Variants in GMDS observed in about 807,000 individuals in gnomAD.
GMDS encodes GDP-mannose 4,6 dehydratase.
GMDS carries 20 observed loss-of-function variants against 49.9 expected under a neutral mutation model. The ratio of observed to expected loss-of-function variants is 0.40; its 90% confidence interval spans 0.28 to 0.58. The LOEUF (loss-of-function observed/expected upper bound fraction) is 0.58, where lower values mean the gene tolerates loss of function less well. GMDS is among the 20% of genes least tolerant of loss of function. The probability of loss-of-function intolerance (pLI) is 0.42; values close to 1 mark genes in which losing one functional copy is unlikely to be tolerated. For missense variants in GMDS, 362 were observed against 481.4 expected (o/e 0.75, Z 2.32); for synonymous variants, 177 against 178.6 (o/e 0.99, Z 0.07).
chr6:1,713,083 A>C (rs1316097241), intron 9 of GMDS, among the ~76,000 whole-genome samples: 1 of 152,248 alleles, frequency 6.6e-6, no homozygotes, highest in Non-Finnish European at 1.5e-5. Context: ...CACGGATGTC[A>C]GACTGACAAG....
At chr6:1,624,398 G>A (rs1338115788) in intron 10 of GMDS, 74 bp downstream of exon 10, 1 of 1,410,886 alleles carries the variant, frequency 7.1e-7, no homozygotes, top group Non-Finnish European at 9.9e-7. Flanking sequence ...CGCCTCAGGC[G>A]CCCGACCCTG....
intron 4 of GMDS, among the ~76,000 whole-genome samples, chr6:2,114,034 T>G (rs1247147200): frequency 6.6e-6 from 1 of 152,164 alleles, no homozygotes; most frequent in Non-Finnish European, 1.5e-5. Flanking sequence ...CAAAACACTA[T>G]CATGATCACT....
At chr6:1,745,642 C>CTG (rs1767463577) in intron 7 of GMDS, among the ~76,000 whole-genome samples, 1 of 152,236 alleles carries the variant, frequency 6.6e-6, no homozygotes, top group Non-Finnish European at 1.5e-5. Context: ...ATCAGACTAT[C>CTG]TGTGGCCTTT....
At chr6:1,899,296 T>G (rs779838117) in intron 7 of GMDS, among the ~76,000 whole-genome samples, 5 of 138,108 alleles carry the variant, frequency 3.6e-5, no homozygotes, top group Admixed American at 7.1e-5. Flanking sequence ...TGATTTGTGT[T>G]TTTTTTTTTT....
At chr6:1,784,791 C>T (rs1379762303) in intron 7 of GMDS, among the ~76,000 whole-genome samples, 1 of 152,226 alleles carries the variant, frequency 6.6e-6, no homozygotes, top group Non-Finnish European at 1.5e-5. Context: ...AGCAAGCTTC[C>T]TTCCTTTGCT....
At chr6:1,797,189 G>A (rs553970452) in intron 7 of GMDS, among the ~76,000 whole-genome samples, 2 of 152,280 alleles carry the variant, frequency 1.3e-5, no homozygotes, top group South Asian at 4.1e-4. Flanking sequence ...CTGCACGTGC[G>A]AGGGATCCAG....
intron 7 of GMDS, among the ~76,000 whole-genome samples, chr6:1,786,475 G>A (rs1769325055): frequency 3.3e-5 from 5 of 152,262 alleles, no homozygotes; most frequent in Admixed American, 3.3e-4. Context: ...CACAGCCTGA[G>A]CAAGCATAGC....
chr6:1,807,231 G>A (rs932669413), intron 7 of GMDS, among the ~76,000 whole-genome samples: 6 of 152,054 alleles, frequency 3.9e-5, no homozygotes, highest in Non-Finnish European at 7.4e-5. Context: ...TTGTAAAGAC[G>A]AGGTCTTGCT....
Position 2,199,977 on chromosome 6 carries a change from T to C in GMDS, c.102+45344A>G, listed in dbSNP as rs568654974. Among the ~76,000 whole-genome samples, 321 of 152,318 alleles carry C rather than the reference T, an allele frequency of 2.1e-3. 2 individuals are homozygous for C. Among genetic ancestry groups the C allele is most frequent in the African/African-American group, 7.4e-3 (309 of 41,582 alleles). ...AAATGCTATTCCATACCATAGCAAA[T>C]TAGAAACATTACAGGATTGTATGTT... On this transcript the variant is annotated intron_variant, in intron 1 of 10. Transcript: ENST00000380815.
intron 4 of GMDS, among the ~76,000 whole-genome samples, chr6:2,073,167 C>A (rs1203069067): frequency 6.6e-6 from 1 of 152,184 alleles, no homozygotes; most frequent in African/African-American, 2.4e-5. Context: ...CACCAGTGCG[C>A]CTTGGCAACA....
intron 4 of GMDS, among the ~76,000 whole-genome samples, chr6:2,066,910 G>A (rs9392361): frequency 0.22 from 33,100 of 151,296 alleles, 4,015 homozygotes; most frequent in South Asian, 0.29. Flanking sequence ...TGCACCAAGC[G>A]GACCTAATAC....
chr6:1,851,464 CTTTA>C (rs1328514590), intron 7 of GMDS, among the ~76,000 whole-genome samples: 17 of 152,132 alleles, frequency 1.1e-4, no homozygotes, highest in Non-Finnish European at 2.1e-4. Context: ...AAATAACATA[CTTTA>C]TTAAAGTTAG....
chr6:2,128,763 A>G (rs998164245), intron 1 of GMDS, among the ~76,000 whole-genome samples: 10 of 152,250 alleles, frequency 6.6e-5, no homozygotes, highest in African/African-American at 2.4e-4. Flanking sequence ...TGGATGAAAC[A>G]GTGCTTCCAG....
At chr6:1,930,512 A>C in intron 6 of GMDS, 1 of 274,896 alleles carries the variant, frequency 3.6e-6, no homozygotes, top group Non-Finnish European at 6.8e-6. Context: ...TCAATATGCA[A>C]CCCAGGCATT....
rs115165160 is a variant in GMDS at position 1,850,818 on chromosome 6, C to T, written c.771+79285G>A. On this transcript the variant is annotated intron_variant, in intron 7 of 10. Transcript: ENST00000380815. Reference sequence around the variant, plus strand: ...ACCAACCTCACTTAAGTGTCATTGCCCTCCCTTTTAGAAATATTGCTATTA... The same window carrying T: ...ACCAACCTCACTTAAGTGTCATTGCTCTCCCTTTTAGAAATATTGCTATTA... Among the ~76,000 whole-genome samples the T allele has an allele frequency of 4.4e-3, 666 of 152,264 alleles. 3 individuals are homozygous for T. The highest frequency in any genetic ancestry group is 0.016 in the African/African-American group (647 of 41,550).
chr6:2,061,450 C>T (rs145332427), intron 4 of GMDS, among the ~76,000 whole-genome samples: 43 of 152,190 alleles, frequency 2.8e-4, no homozygotes, highest in African/African-American at 9.9e-4. Context: ...GGCATGGTGG[C>T]TCATGCCCGT....
rs137861191 is a variant in GMDS at position 2,222,646 on chromosome 6, C to T, written c.102+22675G>A. Among the ~76,000 whole-genome samples, 337 of 152,322 alleles carry T rather than the reference C, an allele frequency of 2.2e-3. 3 individuals carry two copies. The highest frequency in any genetic ancestry group is 7.6e-3 in the African/African-American group (317 of 41,584). On this transcript the variant is annotated intron_variant, in intron 1 of 10. Coordinates refer to ENST00000380815, the MANE Select transcript of GMDS (RefSeq NM_001500.4). ...AAATGCTGTACTAAGAAATGCTGTG[C>T]TGCTTGAGAAGGTCAGGGCAGGCTG...
intron 4 of GMDS, among the ~76,000 whole-genome samples, chr6:2,002,933 T>C (rs904473561): frequency 1.5e-4 from 23 of 152,148 alleles, no homozygotes; most frequent in African/African-American, 5.6e-4. Flanking sequence ...TGTGGACAGG[T>C]TATTTTGAAA....
At chr6:2,209,083 C>A (rs1218181858) in intron 1 of GMDS, among the ~76,000 whole-genome samples, 1 of 151,870 alleles carries the variant, frequency 6.6e-6, no homozygotes, top group Non-Finnish European at 1.5e-5. Flanking sequence ...CAGGGCATTG[C>A]AAAATAAAAA....
Sources: allele counts gnomAD v4.1 joint callset (sites outside exome capture counted in the v4.1 genomes callset), GRCh38; gene constraint gnomAD v4.1.1; transcripts MANE v1.5; gene names NCBI Gene and HGNC (gene_info 2026-07-23, HGNC 2026-07-21).